The following COPS3 variants were observed in gnomAD, a reference collection of about 807,000 sequenced individuals.
COPS3 encodes COP9 signalosome subunit 3.
COPS3 carries 10 observed loss-of-function variants against 58.2 expected under a neutral mutation model. The observed-to-expected ratio is 0.17, with a 90% CI of 0.11 to 0.29. COPS3 has a LOEUF of 0.29. COPS3 is among the 10% of genes least tolerant of loss of function. COPS3 has a pLI of 1.00. For missense variants in COPS3, 333 were observed against 510.1 expected (o/e 0.65, Z 3.34); for synonymous variants, 187 against 181.7 (o/e 1.03, Z -0.24).
At chr17:17,267,378 C>T (rs2048249310) in intron 5 of COPS3, among the ~76,000 whole-genome samples, 1 of 149,576 alleles carries the variant, frequency 6.7e-6, no homozygotes, top group South Asian at 2.1e-4. Context: ...TGGTGGCTCA[C>T]ACCTGTAATC....
In COPS3 at chr17:17,266,844, A is replaced by G. The variant is rs541032977; in HGVS notation, c.441+1041T>C. 6.6e-5 allele frequency among the ~76,000 whole-genome samples: 10 copies of G among 151,622 alleles called. No homozygotes were observed. In the East Asian group the frequency reaches 2.0e-3, roughly 30 times the overall value. On this transcript the variant is annotated intron_variant, in intron 5 of 11. Transcript: ENST00000268717. ...ATAAATGAATAACATTTTAAGGTGTAAGAAGTTAGCTATGTTAAGTCTCAG... is the reference window on the plus strand; with the variant it reads ...ATAAATGAATAACATTTTAAGGTGTGAGAAGTTAGCTATGTTAAGTCTCAG...
chr17:17,264,123 G>A (rs1406326129), intron 6 of COPS3, among the ~76,000 whole-genome samples: 1 of 152,208 alleles, frequency 6.6e-6, no homozygotes, highest in Non-Finnish European at 1.5e-5. Context: ...ATGTATGCAT[G>A]TGTATTATGT....
chr17:17,265,065 A>T, intron 5 of COPS3, 84 bp from the exon 6 acceptor site: 1 of 1,209,308 alleles, frequency 8.3e-7, no homozygotes, highest in Non-Finnish European at 1.2e-6. Context: ...TGATTCCAGA[A>T]ATTTCCAAAT....
At chr17:17,254,826 A>AAG in intron 9 of COPS3, 33 bp downstream of exon 9, 4 of 1,420,726 alleles carry the variant, frequency 2.8e-6, no homozygotes, top group Non-Finnish European at 3.8e-6. Flanking sequence ...AAAAAAAAAA[A>AAG]AAAAAAGAAA....
intron 1 of COPS3, among the ~76,000 whole-genome samples, chr17:17,276,812 C>T (rs1597705353): frequency 6.6e-6 from 1 of 151,988 alleles, no homozygotes; most frequent in East Asian, 1.9e-4. Flanking sequence ...CCTCATGATC[C>T]ACCGCGCCCA....
At chr17:17,262,361 A>G (rs891048268) in intron 6 of COPS3, among the ~76,000 whole-genome samples, 2 of 152,140 alleles carry the variant, frequency 1.3e-5, no homozygotes, top group East Asian at 3.9e-4. Flanking sequence ...CCTTGGGTTC[A>G]AGCAATCTTC....
chr17:17,254,684 G>A (rs946129253), intron 9 of COPS3, among the ~76,000 whole-genome samples, 175 bp downstream of exon 9: 5 of 151,904 alleles, frequency 3.3e-5, no homozygotes, highest in Non-Finnish European at 7.4e-5. Context: ...GGTGGCGCAT[G>A]CCTGTAGTCC....
chr17:17,276,346 C>T (rs1427367235), intron 1 of COPS3, among the ~76,000 whole-genome samples, 182 bp from the exon 2 acceptor site: 4 of 152,144 alleles, frequency 2.6e-5, no homozygotes, highest in Non-Finnish European at 5.9e-5. Flanking sequence ...GGTCTCAAAA[C>T]GAATTAGAGA....
chr17:17,279,767 C>G (rs923072930), intron 1 of COPS3, among the ~76,000 whole-genome samples: 1 of 152,198 alleles, frequency 6.6e-6, no homozygotes, highest in Admixed American at 6.6e-5. Context: ...TACATGGTTT[C>G]TCTCATTGAA....
At position 17,270,886 on chromosome 17, in the gene COPS3, T is replaced by C; in HGVS notation, c.298+10A>G. 8 of 1,611,704 alleles carry C rather than the reference T, an allele frequency of 5.0e-6. No homozygotes were observed. Among genetic ancestry groups the C allele is most frequent in the Non-Finnish European group, 6.8e-6 (8 of 1,178,310 alleles). ...ATTTTCAATGGAGAATAAAATGTTA[T>C]TTAGCTTACAAGTGTCTGTTGCATA... On this transcript the variant is annotated intron_variant, in intron 3 of 11. Coordinates refer to ENST00000268717, the MANE Select transcript of COPS3 (RefSeq NM_003653.4).
Position 17,254,808 on chromosome 17 carries a change from CAAAAAGAAAAAAAAAAAAA to C in COPS3, c.1023+32_1023+50del, listed in dbSNP as rs768773038. On this transcript the variant is annotated intron_variant, in intron 9 of 11. Coordinates refer to ENST00000268717, the MANE Select transcript of COPS3 (RefSeq NM_003653.4). ...CTGGTGACAGAGCGAGACTCCATCTCAAAAAGAAAAAAAAAAAAAAAAAAGAAAAAGAAAAAGAAAATCC... is the reference window on the plus strand; with the variant it reads ...CTGGTGACAGAGCGAGACTCCATCTCAAAAAGAAAAAGAAAAAGAAAATCC... 9 of 708,634 alleles carry C rather than the reference CAAAAAGAAAAAAAAAAAAA, an allele frequency of 1.3e-5. No homozygotes were observed. In the African/African-American group the frequency reaches 3.3e-4, roughly 26 times the overall value. The allele number at this position is 708,634 out of a possible 1,614,324, so 43.9% of individuals were successfully genotyped here. A position where few individuals can be genotyped will look rare whatever the true frequency, so the allele number is the denominator to read the frequency against.
intron 8 of COPS3, among the ~76,000 whole-genome samples, chr17:17,257,519 C>T (rs571152613): frequency 1.3e-5 from 2 of 151,936 alleles, no homozygotes; most frequent in Admixed American, 1.3e-4. Flanking sequence ...TCTACTAGGC[C>T]GGGCGTGGTG....
intron 2 of COPS3, among the ~76,000 whole-genome samples, chr17:17,271,608 T>G (rs1049023999): frequency 2.0e-4 from 30 of 150,430 alleles, no homozygotes; most frequent in African/African-American, 6.8e-4. Flanking sequence ...TCACCTAAGG[T>G]CGGGAGTTCG....
chr17:17,261,989 G>T lies in COPS3; in HGVS notation c.739C>A (p.Gln247Lys). ...ACCTTAATGAATCTACCCACAATTT[G>T]AGATGTATATTTTGGTAGCTGTTGT... is the stretch of plus-strand genomic sequence containing the variant. ...KVQQLPKYTS[Q>K]IVGRFIKPLS... Residue 247 changes from glutamine (Q) to lysine (K), a missense_variant, in exon 7 of 12, where the codon CAA (glutamine) becomes AAA (lysine). Gln to Lys is a moderately conservative substitution (Grantham distance 53, BLOSUM62 1). Coordinates refer to ENST00000268717, the MANE Select transcript of COPS3 (RefSeq NM_003653.4). 6.3e-7 allele frequency: 1 copy of T among 1,590,856 alleles called. No homozygotes were observed. The highest frequency in any genetic ancestry group is 8.6e-7 in the Non-Finnish European group (1 of 1,166,932).
chr17:17,276,850 C>G (rs1165885795), intron 1 of COPS3, among the ~76,000 whole-genome samples: 2 of 152,106 alleles, frequency 1.3e-5, no homozygotes, highest in African/African-American at 4.8e-5. Flanking sequence ...TCTAAATGGT[C>G]TGCCTACTGT....
At chr17:17,268,066 CTAAT>C (rs2048266487) in intron 4 of COPS3, 89 bp from the exon 5 acceptor site, 2 of 1,478,078 alleles carry the variant, frequency 1.4e-6, no homozygotes, top group Non-Finnish European at 1.8e-6. Flanking sequence ...AAAAATAACA[CTAAT>C]TGATAGGTTC....
At chr17:17,274,371 G>A (rs1235950191) in intron 2 of COPS3, among the ~76,000 whole-genome samples, 1 of 151,656 alleles carries the variant, frequency 6.6e-6, no homozygotes, top group African/African-American at 2.4e-5. Flanking sequence ...AAATAATACA[G>A]TATAGATGGA....
chr17:17,253,123 G>A (rs2047888640), intron 9 of COPS3, among the ~76,000 whole-genome samples: 1 of 152,150 alleles, frequency 6.6e-6, no homozygotes. Context: ...CTACTTGGGA[G>A]GCTGAGGTGA....
intron 1 of COPS3, among the ~76,000 whole-genome samples, chr17:17,279,276 C>T (rs141305917): frequency 1.3e-5 from 2 of 152,164 alleles, no homozygotes; most frequent in Non-Finnish European, 2.9e-5. Flanking sequence ...CCTATAGCAT[C>T]CTATAACCTG....
Sources: allele counts gnomAD v4.1 joint callset (sites outside exome capture counted in the v4.1 genomes callset), GRCh38; gene constraint gnomAD v4.1.1; transcripts MANE v1.5; gene names NCBI Gene and HGNC (gene_info 2026-07-23, HGNC 2026-07-21).